The following FNIP1 variants were observed in gnomAD, a reference collection of about 807,000 sequenced individuals.
FNIP1 encodes folliculin-interacting protein 1.
FNIP1 carries 40 observed loss-of-function variants against 124.5 expected under a neutral mutation model. The observed-to-expected ratio is 0.32, with a 90% CI of 0.25 to 0.42. The LOEUF is 0.42. Among genes scored for constraint, FNIP1 ranks in the 10% least tolerant of loss-of-function variants. The pLI is 1.00. For synonymous variants in FNIP1, 472 were observed against 470.6 expected, an observed-to-expected ratio of 1.00 and a Z score of -0.04; for missense variants, 1,176 against 1,403.7, an observed-to-expected ratio of 0.84 and a Z score of 2.59.
chr5:131,766,444 G>A (rs192085680), intron 1 of FNIP1, among the ~76,000 whole-genome samples: 224 of 152,286 alleles, frequency 1.5e-3, no homozygotes, highest in Admixed American at 4.3e-3. Flanking sequence ...TCAGTTGAAT[G>A]CTGGTTAAAT....
chr5:131,723,659 C>T (rs1769749671), intron 3 of FNIP1, among the ~76,000 whole-genome samples: 1 of 151,824 alleles, frequency 6.6e-6, no homozygotes, highest in Non-Finnish European at 1.5e-5. Flanking sequence ...TCTGTTAAAC[C>T]CTGTGTAACT....
chr5:131,756,944 G>A (rs1771070072), intron 1 of FNIP1, among the ~76,000 whole-genome samples: 1 of 152,126 alleles, frequency 6.6e-6, no homozygotes. Flanking sequence ...TACTACCACA[G>A]AAGATTCCAG....
At chr5:131,739,837 A>C (rs574183904) in intron 2 of FNIP1, among the ~76,000 whole-genome samples, 1 of 150,144 alleles carries the variant, frequency 6.7e-6, no homozygotes, top group Non-Finnish European at 1.5e-5. Context: ...AAAAAAAAAA[A>C]CACTGTTTTA....
intron 3 of FNIP1, among the ~76,000 whole-genome samples, chr5:131,725,522 C>T (rs1419780578): frequency 1.3e-5 from 2 of 152,140 alleles, no homozygotes; most frequent in African/African-American, 2.4e-5. Context: ...TATAGGAATG[C>T]TTGTGATTTT....
Position 131,651,857 on chromosome 5 carries a change from G to A in FNIP1, c.3251C>T (p.Ser1084Phe). 6.2e-7 allele frequency: 1 copy of A among 1,614,100 alleles called. No homozygotes were observed. Residue 1084 changes from serine (S) to phenylalanine (F), a missense_variant, in exon 16 of 18, where the codon TCC (serine) becomes TTC (phenylalanine). Physicochemically the swap from Ser to Phe is radical, Grantham distance 155. Coordinates refer to ENST00000510461, the MANE Select transcript of FNIP1 (RefSeq NM_133372.3). ...GKEVLVSSLVSNLLHSTLQLY... is the reference protein window; with the variant it reads ...GKEVLVSSLVFNLLHSTLQLY... ...CTGAAGTGTGGAATGAAGCAGATTG[G>A]AAACAAGACTGGAAACCAATACTTC... is the stretch of plus-strand genomic sequence containing the variant.
chr5:131,777,058 T>A (rs1240776651), intron 1 of FNIP1, among the ~76,000 whole-genome samples: 11 of 152,056 alleles, frequency 7.2e-5, no homozygotes, highest in Admixed American at 2.0e-4. Flanking sequence ...ATAGCGAGAC[T>A]CTGTATCTAC....
At chr5:131,755,088 C>T (rs868044364) in intron 1 of FNIP1, among the ~76,000 whole-genome samples, 87 of 151,988 alleles carry the variant, frequency 5.7e-4, no homozygotes, top group African/African-American at 2.1e-3. Flanking sequence ...AAGGGGGCTG[C>T]GAGACAGCTG....
chr5:131,732,670 T>C (rs547784680), intron 2 of FNIP1, among the ~76,000 whole-genome samples: 9 of 149,400 alleles, frequency 6.0e-5, no homozygotes, highest in Non-Finnish European at 2.9e-5. Flanking sequence ...GAGGGCTCTT[T>C]ACTGTTCCAT....
chr5:131,665,505 T>G (rs1767571430), intron 15 of FNIP1, among the ~76,000 whole-genome samples: 1 of 151,672 alleles, frequency 6.6e-6, no homozygotes. Flanking sequence ...CCTACATGTT[T>G]TTCCATGTAG....
At chr5:131,768,187 C>A (rs1390825585) in intron 1 of FNIP1, among the ~76,000 whole-genome samples, 1 of 152,078 alleles carries the variant, frequency 6.6e-6, no homozygotes, top group Admixed American at 6.6e-5. Context: ...ACAAAAAATT[C>A]ATTAACATGA....
chr5:131,751,571 GA>G (rs547210498), intron 1 of FNIP1, among the ~76,000 whole-genome samples: 1,973 of 126,598 alleles, frequency 0.016, 38 homozygotes, highest in African/African-American at 0.049. Context: ...TCCACAATCT[GA>G]AAAAAAAAAA....
chr5:131,725,571 G>A (rs1423029198), intron 3 of FNIP1, among the ~76,000 whole-genome samples: 2 of 152,208 alleles, frequency 1.3e-5, no homozygotes, highest in African/African-American at 4.8e-5. Flanking sequence ...TGCTGAAGTT[G>A]CTTAACAGCT....
intron 10 of FNIP1, among the ~76,000 whole-genome samples, chr5:131,701,830 G>A (rs1768909829): frequency 2.0e-5 from 3 of 152,160 alleles, no homozygotes; most frequent in Admixed American, 1.3e-4. Flanking sequence ...CTTGCAAACA[G>A]CCTTAAAGAC....
chr5:131,724,458 C>A (rs1023316779), intron 3 of FNIP1, among the ~76,000 whole-genome samples: 6 of 152,106 alleles, frequency 3.9e-5, no homozygotes, highest in Non-Finnish European at 8.8e-5. Context: ...TCTCTGGTGA[C>A]CAGTGATAAA....
intron 1 of FNIP1, among the ~76,000 whole-genome samples, chr5:131,764,929 G>A (rs1232959494): frequency 6.6e-6 from 1 of 152,012 alleles, no homozygotes; most frequent in Non-Finnish European, 1.5e-5. Context: ...CTTTCTTTAA[G>A]ATGCATCATA....
At chr5:131,785,750 G>A (rs1464079969) in intron 1 of FNIP1, among the ~76,000 whole-genome samples, 1 of 152,086 alleles carries the variant, frequency 6.6e-6, no homozygotes, top group Non-Finnish European at 1.5e-5. Flanking sequence ...TACACTTGTA[G>A]TCTCAGCTAC....
At chr5:131,772,985 T>C (rs1012193725) in intron 1 of FNIP1, among the ~76,000 whole-genome samples, 3 of 152,178 alleles carry the variant, frequency 2.0e-5, no homozygotes, top group Non-Finnish European at 4.4e-5. Flanking sequence ...CAGCATTATC[T>C]CAACCTCTCA....
chr5:131,648,691 G>C (rs936962063), intron 16 of FNIP1, among the ~76,000 whole-genome samples: 1 of 152,058 alleles, frequency 6.6e-6, no homozygotes, highest in African/African-American at 2.4e-5. Flanking sequence ...ATAGTCCTAA[G>C]AGCATTCGAT....
At chr5:131,779,047 G>T (rs1471886744) in intron 1 of FNIP1, among the ~76,000 whole-genome samples, 1 of 136,288 alleles carries the variant, frequency 7.3e-6, no homozygotes, top group African/African-American at 2.8e-5. Context: ...CCTAATGCTA[G>T]ATGACGAGTT....
Sources: gnomAD v4.1 joint callset for allele counts (sites outside exome capture counted in the v4.1 genomes callset) on GRCh38, gnomAD v4.1.1 for gene constraint, MANE v1.5 for transcripts, NCBI Gene and HGNC (gene_info 2026-07-23, HGNC 2026-07-21) for gene names.